Variants in TRIM16 observed in about 807,000 individuals in gnomAD.
The protein encoded by TRIM16 is tripartite motif containing 16, also known as tripartite motif-containing protein 16.
In TRIM16, 33 loss-of-function variants were observed where a neutral mutation model predicts 50.4. The ratio of observed to expected loss-of-function variants is 0.65; its 90% CI spans 0.50 to 0.88. The LOEUF (loss-of-function observed/expected upper bound fraction) is 0.88. TRIM16 is among the 40% of genes least tolerant of loss of function. TRIM16 has a pLI of 0.00. For synonymous variants in TRIM16, 229 were observed against 270.7 expected (o/e 0.85, Z 1.51); for missense variants, 581 against 686.8 (o/e 0.85, Z 1.72).
intron 6 of TRIM16, among the ~76,000 whole-genome samples, chr17:15,656,042 T>C (rs1411984026): frequency 1.3e-5 from 2 of 152,132 alleles, no homozygotes; most frequent in Non-Finnish European, 2.9e-5. Flanking sequence ...GGTTGGGATA[T>C]TTGGCAGGGG....
intron 7 of TRIM16, among the ~76,000 whole-genome samples, chr17:15,645,448 G>T (rs972740712): frequency 6.6e-6 from 1 of 151,958 alleles, no homozygotes; most frequent in African/African-American, 2.4e-5. Context: ...CTTCAATCTT[G>T]CCTCCTGGGA....
rs576251856 is a variant in TRIM16 at position 15,651,957 on chromosome 17, C to T, written c.-337-11G>A. On this transcript the variant is annotated splice_polypyrimidine_tract_variant and intron_variant, in intron 6 of 11. Transcript: ENST00000649191. The stretch of plus-strand genomic sequence containing the variant: ...GTCTCTGTGCCTGCTCTGGAAAGGA[C>T]AGAAGATTCCTGAGCTCTGTTATAA... 10 of 1,214,534 alleles carry T rather than the reference C, an allele frequency of 8.2e-6. No homozygotes were observed. Among genetic ancestry groups the T allele is most frequent in the South Asian group, 3.7e-5 (2 of 53,368 alleles). 75.2% of individuals were successfully genotyped at this position (1,214,534 alleles called of 1,614,324 possible). A position where few individuals can be genotyped will look rare whatever the true frequency, so the allele number is the denominator to read the frequency against.
At chr17:15,643,693 T>C (rs1987219220) in intron 7 of TRIM16, among the ~76,000 whole-genome samples, 1 of 151,988 alleles carries the variant, frequency 6.6e-6, no homozygotes, top group Non-Finnish European at 1.5e-5. Flanking sequence ...AGAGTTTGAC[T>C]CCTTTTGTCA....
chr17:15,677,685 T>C lies in TRIM16; in HGVS notation c.-553A>G. The C allele has an allele frequency of 9.8e-7, 1 of 1,018,754 alleles. No homozygotes were observed. Among genetic ancestry groups the C allele is most frequent in the Non-Finnish European group, 1.2e-6 (1 of 846,554 alleles). The allele number at this position is 1,018,754 out of a possible 1,614,324, so 63.1% of individuals were successfully genotyped here. A position where few individuals can be genotyped will look rare whatever the true frequency, so the allele number is the denominator to read the frequency against. On this transcript the variant is annotated 5_prime_UTR_variant, in exon 5 of 12. Coordinates refer to ENST00000649191, the MANE Select transcript of TRIM16 (RefSeq NM_001348119.1). ...CTAGTGAAGTTCACAGCCACATCCTTGAATGACATAAAGCCCTGAAACACC... is the reference window on the plus strand; with the variant it reads ...CTAGTGAAGTTCACAGCCACATCCTCGAATGACATAAAGCCCTGAAACACC...
intron 7 of TRIM16, among the ~76,000 whole-genome samples, chr17:15,647,801 G>T (rs1202195534): frequency 1.4e-5 from 2 of 141,546 alleles, no homozygotes; most frequent in South Asian, 2.3e-4. Context: ...AGTCATAGAA[G>T]GAGTCCAGAT....
chr17:15,658,189 T>C (rs1282487188), intron 6 of TRIM16, among the ~76,000 whole-genome samples: 1 of 152,164 alleles, frequency 6.6e-6, no homozygotes. Context: ...ACTCTGAAAG[T>C]TATGTCCTCT....
chr17:15,652,605 C>A (rs193159201), intron 6 of TRIM16, among the ~76,000 whole-genome samples: 5 of 151,514 alleles, frequency 3.3e-5, no homozygotes, highest in Admixed American at 3.3e-4. Context: ...GGATTACAGG[C>A]ACCCACCACC....
intron 6 of TRIM16, among the ~76,000 whole-genome samples, chr17:15,676,431 C>CTTTTT (rs57392285): frequency 8.0e-6 from 1 of 125,730 alleles, no homozygotes. Flanking sequence ...AGAATTTTTT[C>CTTTTT]TTTTTTTTTT....
chr17:15,636,105 G>A lies in TRIM16; in HGVS notation c.780C>T (p.Ala260=), dbSNP rs1436276114. The A allele has an allele frequency of 5.0e-6, 8 of 1,609,416 alleles. No homozygotes were observed. Among genetic ancestry groups the A allele is most frequent in the Admixed American group, 1.7e-5 (1 of 59,880 alleles). Residue 260 remains alanine, a synonymous_variant, in exon 9 of 12, where the codon GCC becomes GCT. Coordinates refer to ENST00000649191, the MANE Select transcript of TRIM16 (RefSeq NM_001348119.1). ...GIKAHLEYRS[A]EMEKSKQELE... The stretch of plus-strand genomic sequence containing the variant: ...GCTCCTGCTTGCTCTTCTCCATCTC[G>A]GCACTCCTGTACTCCAGGTGGGCCT...
Position 15,635,845 on chromosome 17 carries a change from C to G in TRIM16, c.849+191G>C, listed in dbSNP as rs9910481. Among the ~76,000 whole-genome samples the G allele has an allele frequency of 6.5e-3, 882 of 136,660 alleles. 31 individuals carry two copies. The highest frequency in any genetic ancestry group is 0.025 in the African/African-American group (852 of 34,164). The allele number at this position is 136,660 out of a possible 152,430, so 89.7% of individuals were successfully genotyped here. The stretch of plus-strand genomic sequence containing the variant: ...GGGACCTGCTTCAAGCTTCCCTGCT[C>G]TGAGCAGTTCTCCCTCCCTACCCCT... On this transcript the variant is annotated intron_variant, in intron 9 of 11. Transcript: ENST00000649191.
rs761171249 is a variant in TRIM16, at chr17:15,677,617, T to G, written c.-485A>C. ...CTATAGTTCTCCAGCATTACATCCCTGTACAAGACTCTCTGAGCAAGGTCC... is the reference window on the plus strand; with the variant it reads ...CTATAGTTCTCCAGCATTACATCCCGGTACAAGACTCTCTGAGCAAGGTCC... On this transcript the variant is annotated 5_prime_UTR_variant, in exon 5 of 12. Coordinates refer to ENST00000649191, the MANE Select transcript of TRIM16 (RefSeq NM_001348119.1). 1 of 1,052,134 alleles carries G rather than the reference T, an allele frequency of 9.5e-7. No individual in the cohort carries two copies. Among genetic ancestry groups the G allele is most frequent in the Non-Finnish European group, 1.2e-6 (1 of 862,706 alleles). The allele number at this position is 1,052,134 out of a possible 1,614,324, so 65.2% of individuals were successfully genotyped here.
Position 15,651,428 on chromosome 17 carries a change from TCG to T in TRIM16, c.180_181del (p.Ser60ArgfsTer11), listed in dbSNP as rs761798463. ...AGCAGGATCCCCCTGCTCTGCAGAG[TCG>T]CTGTCCTGTTCCTCCGTCTCCCTGC... On this transcript the variant is annotated frameshift_variant, in exon 7 of 12. Transcript: ENST00000649191. LOFTEE classifies it high-confidence loss of function. The T allele has an allele frequency of 6.2e-7, 1 of 1,613,462 alleles. No individual in the cohort carries two copies. The highest frequency in any genetic ancestry group is 2.2e-5 in the East Asian group (1 of 44,842).
intron 6 of TRIM16, among the ~76,000 whole-genome samples, chr17:15,666,345 G>C: frequency 6.6e-6 from 1 of 152,292 alleles, no homozygotes; most frequent in East Asian, 1.9e-4. Context: ...GCCTCCCAAA[G>C]TGTTGGGATT....
chr17:15,640,984 T>C (rs1488639354), intron 8 of TRIM16, among the ~76,000 whole-genome samples: 4 of 148,140 alleles, frequency 2.7e-5, no homozygotes, highest in South Asian at 2.2e-4. Flanking sequence ...AAGTTCCTCA[T>C]AGAAGCACGA....
intron 10 of TRIM16, 199 bp from the exon 11 acceptor site, chr17:15,631,913 A>G (rs1012303244): frequency 1.7e-6 from 1 of 599,080 alleles, no homozygotes; most frequent in African/African-American, 1.9e-5. Flanking sequence ...AGTGATCCAG[A>G]CCATCTTGGA....
intron 8 of TRIM16, 33 bp from the exon 9 acceptor site, chr17:15,636,302 C>T: frequency 6.2e-7 from 1 of 1,603,456 alleles, no homozygotes; most frequent in Non-Finnish European, 8.5e-7. Flanking sequence ...GGCAGCCAAA[C>T]ATTTCTTAGT....
chr17:15,636,789 G>A (rs1177329509), intron 8 of TRIM16, among the ~76,000 whole-genome samples: 1 of 148,836 alleles, frequency 6.7e-6, no homozygotes, highest in East Asian at 2.0e-4. Flanking sequence ...TTAGGGTGCA[G>A]ACGACCATGG....
chr17:15,682,910 G>A lies in TRIM16; in HGVS notation c.-735C>T. ...TCACAGATGAGGAAACTGTTAACTT[G>A]CCCAAGTTCTCTGTGCTGCCCACAC... On this transcript the variant is annotated 5_prime_UTR_variant, in exon 3 of 12. Coordinates refer to ENST00000649191, the MANE Select transcript of TRIM16 (RefSeq NM_001348119.1). The A allele has an allele frequency of 2.0e-6, 3 of 1,495,434 alleles. No homozygotes were observed. The highest frequency in any genetic ancestry group is 1.4e-5 in the African/African-American group (1 of 71,236). The allele number at this position is 1,495,434 out of a possible 1,614,324, so 92.6% of individuals were successfully genotyped here. A position where few individuals can be genotyped will look rare whatever the true frequency, so the allele number is the denominator to read the frequency against.
chr17:15,678,014 G>A lies in TRIM16; in HGVS notation c.-589-293C>T, dbSNP rs1480346105. Among the ~76,000 whole-genome samples, 5 of 152,112 alleles carry A rather than the reference G, an allele frequency of 3.3e-5. No individual in the cohort carries two copies. The East Asian group carries it at 5.8e-4, about 18-fold the overall frequency. ...GGGCAGATCACGAGGTCAGGAGATC[G>A]AGACCATCCTGGCTAACATGGTGAA... On this transcript the variant is annotated intron_variant, in intron 4 of 11. Coordinates refer to ENST00000649191, the MANE Select transcript of TRIM16 (RefSeq NM_001348119.1).
Sources: allele counts gnomAD v4.1 joint callset (sites outside exome capture counted in the v4.1 genomes callset), GRCh38; gene constraint gnomAD v4.1.1; transcripts MANE v1.5; gene names NCBI Gene and HGNC (gene_info 2026-07-23, HGNC 2026-07-21).